The following SCN3A variants were observed in gnomAD, a reference collection of about 807,000 sequenced individuals.
SCN3A encodes sodium voltage-gated channel alpha subunit 3.
SCN3A carries 60 observed loss-of-function variants against 187.6 expected under a neutral mutation model. That is an observed-to-expected ratio of 0.32 (90% CI 0.26 to 0.40). The LOEUF (loss-of-function observed/expected upper bound fraction) is 0.40, where lower values mean the gene tolerates loss of function less well. Ranked by LOEUF, SCN3A falls within the 10% of genes least tolerant of loss-of-function variation. The probability of loss-of-function intolerance (pLI) is 1.00; values close to 1 mark genes in which losing one functional copy is unlikely to be tolerated. For missense variants in SCN3A, 1,601 were observed against 2,428.2 expected, an observed-to-expected ratio of 0.66 and a Z score of 7.16; for synonymous variants, 788 against 829.2, an observed-to-expected ratio of 0.95 and a Z score of 0.85.
chr2:165,100,289 C>A lies in SCN3A; in HGVS notation c.3966+13G>T, dbSNP rs1395222842. On this transcript the variant is annotated intron_variant, in intron 22 of 27. Coordinates refer to ENST00000283254, the MANE Select transcript of SCN3A (RefSeq NM_006922.4). ...ATTTTGACATGAATAATTAGAGTGT[C>A]TATTCTTCTTACCCTCATGCCTTCA... The A allele has an allele frequency of 6.2e-7, 1 of 1,612,982 alleles. No homozygotes were observed. The highest frequency in any genetic ancestry group is 8.5e-7 in the Non-Finnish European group (1 of 1,179,264).
intron 3 of SCN3A, 46 bp downstream of exon 3, chr2:165,176,085 A>C (rs778405279): frequency 6.3e-7 from 1 of 1,582,532 alleles, no homozygotes; most frequent in Admixed American, 1.7e-5. Context: ...TATTACAGTT[A>C]AGAGTTTCAT....
Position 165,115,406 on chromosome 2 carries a change from C to A in SCN3A, c.3514+49G>T, listed in dbSNP as rs373494996. 19 of 1,611,528 alleles carry A rather than the reference C, an allele frequency of 1.2e-5. No homozygotes were observed. In the Admixed American group the frequency reaches 3.0e-4, roughly 25 times the overall value. On this transcript the variant is annotated intron_variant, in intron 19 of 27. Coordinates refer to ENST00000283254, the MANE Select transcript of SCN3A (RefSeq NM_006922.4). The stretch of plus-strand genomic sequence containing the variant: ...TTTTAAATGAGGCATATTCAGTCTC[C>A]GTAAAGAACAAGGGGAGATTGTATT...
At chr2:165,175,390 A>C (rs771523957) in intron 3 of SCN3A, among the ~76,000 whole-genome samples, 1 of 152,198 alleles carries the variant, frequency 6.6e-6, no homozygotes, top group Non-Finnish European at 1.5e-5. Flanking sequence ...GAAACCAGCT[A>C]ATTCTGATAC....
intron 11 of SCN3A, among the ~76,000 whole-genome samples, chr2:165,154,105 C>T (rs190445011): frequency 1.4e-5 from 2 of 145,916 alleles, no homozygotes; most frequent in Admixed American, 7.1e-5. Context: ...TCTCAAATGT[C>T]ATAATTAGGG....
intron 10 of SCN3A, among the ~76,000 whole-genome samples, chr2:165,155,331 T>C (rs890311329): frequency 6.6e-6 from 1 of 151,984 alleles, no homozygotes; most frequent in South Asian, 2.1e-4. Flanking sequence ...AGCAGGTCCT[T>C]TCCCTTCCCT....
chr2:165,134,135 C>T (rs1334800599), intron 15 of SCN3A, among the ~76,000 whole-genome samples: 1 of 152,038 alleles, frequency 6.6e-6, no homozygotes, highest in Non-Finnish European at 1.5e-5. Flanking sequence ...TATGCATATA[C>T]ATGTAATTGA....
intron 7 of SCN3A, among the ~76,000 whole-genome samples, chr2:165,163,310 G>T (rs12614585): frequency 6.6e-6 from 1 of 151,774 alleles, no homozygotes; most frequent in Non-Finnish European, 1.5e-5. Flanking sequence ...CATCTGCAGC[G>T]AATGGTAAAA....
At chr2:165,147,292 G>T (rs377030228) in intron 11 of SCN3A, among the ~76,000 whole-genome samples, 3 of 134,654 alleles carry the variant, frequency 2.2e-5, no homozygotes, top group African/African-American at 8.0e-5. Flanking sequence ...TTGGGGGGGG[G>T]GGGTTGGTGA....
intron 5 of SCN3A, among the ~76,000 whole-genome samples, chr2:165,167,370 A>AT (rs35756423): frequency 0.23 from 34,077 of 151,086 alleles, 4,997 homozygotes; most frequent in East Asian, 0.52. Flanking sequence ...TGAAGCTACT[A>AT]TTTTTTTTTA....
intron 14 of SCN3A, among the ~76,000 whole-genome samples, chr2:165,138,918 A>AAG (rs1687826057): frequency 6.6e-6 from 1 of 152,170 alleles, no homozygotes; most frequent in Non-Finnish European, 1.5e-5. Flanking sequence ...GTGTATAAAT[A>AAG]GTTGCTGCCT....
chr2:165,093,665 C>T (rs1410756611), intron 26 of SCN3A: 1 of 152,248 alleles, frequency 6.6e-6, no homozygotes, highest in Non-Finnish European at 1.5e-5. Flanking sequence ...CCCTCACATT[C>T]CAGCTCCAAC....
At chr2:165,195,249 A>G (rs767566475) in intron 1 of SCN3A, 3 of 152,224 alleles carry the variant, frequency 2.0e-5, no homozygotes, top group Non-Finnish European at 2.9e-5. Context: ...GAGAAACCTA[A>G]GAAGAGGTGA....
In SCN3A at chr2:165,114,828, G is replaced by A. The variant is rs1465448342; in HGVS notation, c.3514+627C>T. On this transcript the variant is annotated intron_variant, in intron 19 of 27. Transcript: ENST00000283254. ...GTTCTGAAGGGATTACAATATCAAT[G>A]ACATGACATTCTAGAATGCCATTTA... Among the ~76,000 whole-genome samples, 3 of 152,102 alleles carry A rather than the reference G, an allele frequency of 2.0e-5. No individual in the cohort carries two copies. The East Asian group carries it at 5.8e-4, about 29-fold the overall frequency.
chr2:165,091,302 A>G lies in SCN3A; in HGVS notation c.4851T>C (p.Pro1617=), dbSNP rs769803153. The G allele has an allele frequency of 9.9e-6, 16 of 1,614,102 alleles. No homozygotes were observed. The South Asian group carries it at 1.2e-4, about 12-fold the overall frequency. ...CAAGACGGATCACTCGGAACAAGGT[A>G]GGGGACACAAAATACTTTTCTATCA... The part of the protein sequence containing the change: ...AEMIEKYFVS[P]TLFRVIRLAR... Residue 1617 remains proline (P), a synonymous_variant, in exon 28 of 28, where the codon CCT becomes CCC. Coordinates refer to ENST00000283254, the MANE Select transcript of SCN3A (RefSeq NM_006922.4).
At chr2:165,094,115 C>T (rs1187555369) in intron 26 of SCN3A, 1 of 474,104 alleles carries the variant, frequency 2.1e-6, no homozygotes, top group East Asian at 3.9e-5. Flanking sequence ...GAAAGTGAAC[C>T]TTGCTTTGGA....
chr2:165,175,476 T>G (rs1164989538), intron 3 of SCN3A, among the ~76,000 whole-genome samples: 3 of 152,122 alleles, frequency 2.0e-5, no homozygotes, highest in African/African-American at 4.8e-5. Flanking sequence ...TGGAGAAAAT[T>G]TGAAAGTTCT....
rs140284641 is a variant in SCN3A at position 165,121,572 on chromosome 2, A to G, written c.3394-5997T>C. ...GTTACTATTTTCCATTGATAATTTT[A>G]TTTCTCATTTTTTTTGCATTCTGCA... On this transcript the variant is annotated intron_variant, in intron 18 of 27. Transcript: ENST00000283254. Among the ~76,000 whole-genome samples, 999 of 152,274 alleles carry G rather than the reference A, an allele frequency of 6.6e-3. 18 individuals are homozygous for G. The highest frequency in any genetic ancestry group is 0.022 in the African/African-American group (903 of 41,554).
chr2:165,168,859 T>A (rs1412617695), intron 4 of SCN3A, 34 bp from the exon 5 acceptor site: 1 of 1,416,544 alleles, frequency 7.1e-7, no homozygotes, highest in Non-Finnish European at 1.0e-6. Flanking sequence ...TGTTAGTAGG[T>A]TACCATGGCC....
At position 165,146,780 on chromosome 2, in the gene SCN3A, T is replaced by G; in HGVS notation, c.1630A>C (p.Asn544His). The G allele has an allele frequency of 6.2e-7, 1 of 1,614,054 alleles. No individual in the cohort carries two copies. Among genetic ancestry groups the G allele is most frequent in the Non-Finnish European group, 8.5e-7 (1 of 1,179,942 alleles). Residue 544 changes from asparagine to histidine, a missense_variant, in exon 12 of 28, where the codon AAC (asparagine) becomes CAC (histidine). Asn to His is a moderately conservative substitution (Grantham distance 68). Around this residue, in one of 11 missense-constraint regions of SCN3A, gnomAD observed 376 missense variants for 476.0 expected, o/e 0.79. Coordinates refer to ENST00000283254, the MANE Select transcript of SCN3A (RefSeq NM_006922.4). Reference sequence around the variant, plus strand: ...AATTTTTTGTCACTGGTCAGTCTGTTTCCATCCATGGAGAAAAGGAAGCTG... The same window carrying G: ...AATTTTTTGTCACTGGTCAGTCTGTGTCCATCCATGGAGAAAAGGAAGCTG... ...RSSFLFSMDG[N>H]RLTSDKKFCS...
Sources: gnomAD v4.1 joint callset for allele counts (sites outside exome capture counted in the v4.1 genomes callset) on GRCh38, gnomAD v4.1.1 for gene constraint, gnomAD v4.1.1 regional missense constraint, MANE v1.5 for transcripts, NCBI Gene and HGNC (gene_info 2026-07-23, HGNC 2026-07-21) for gene names.